Variants in NASP observed in about 807,000 individuals in gnomAD.
NASP encodes the protein nuclear autoantigenic sperm protein, also known as NASP histone chaperone.
NASP carries 24 observed loss-of-function variants against 89.5 expected under a neutral mutation model. The ratio of observed to expected loss-of-function variants is 0.27; its 90% CI spans 0.19 to 0.38. NASP has a LOEUF of 0.38. NASP is among the 10% of genes least tolerant of loss of function. The pLI, the probability that NASP is intolerant of heterozygous loss-of-function variation, is 1.00. For missense variants in NASP, 848 were observed against 921.4 expected (o/e 0.92, Z 1.03); for synonymous variants, 306 against 324.7 (o/e 0.94, Z 0.62).
In NASP at chr1:45,617,563, A is replaced by G. The variant is rs1316733343; in HGVS notation, c.2258A>G (p.Asn753Ser). 1 of 1,598,082 alleles carries G rather than the reference A, an allele frequency of 6.3e-7. No individual in the cohort carries two copies. Among genetic ancestry groups the G allele is most frequent in the East Asian group, 2.2e-5 (1 of 44,806 alleles). ...GGSGDAVPSG[N>S]EVSENMEEEA... ...AGTGGGGATGCTGTCCCCAGTGGAA[A>G]TGAAGTTTCGGAAAACATGGAGGAG... The change falls in exon 14 of 15, where the codon AAT becomes AGT. Residue 753 changes from asparagine to serine, a missense_variant. This residue lies in a region of NASP where 218 missense variants were observed against 219.6 expected (regional missense o/e 0.99). Transcript: ENST00000350030.
chr1:45,590,649 A>G (rs1293132928), intron 1 of NASP, among the ~76,000 whole-genome samples: 1 of 148,870 alleles, frequency 6.7e-6, no homozygotes, highest in African/African-American at 2.5e-5. Flanking sequence ...AATGGTATTC[A>G]ATTCAGAGTC....
intron 2 of NASP, among the ~76,000 whole-genome samples, chr1:45,602,032 A>G (rs1027438677): frequency 1.3e-5 from 2 of 152,108 alleles, no homozygotes; most frequent in Non-Finnish European, 2.9e-5. Flanking sequence ...GATTACAGGC[A>G]TGAGTCACCG....
chr1:45,584,239 C>T (rs1220071543), intron 1 of NASP, 34 bp downstream of exon 1: 3 of 1,552,342 alleles, frequency 1.9e-6, no homozygotes, highest in Non-Finnish European at 2.6e-6. Context: ...AAGGCACTGG[C>T]CAGTCCGCGG....
chr1:45,617,272 A>AT, intron 13 of NASP, 191 bp from the exon 14 acceptor site: 1 of 579,212 alleles, frequency 1.7e-6, no homozygotes. Context: ...GCCTGAAGTG[A>AT]TATGGTGGGA....
chr1:45,613,084 T>A, intron 6 of NASP, 85 bp from the exon 7 acceptor site: 1 of 1,491,978 alleles, frequency 6.7e-7, no homozygotes, highest in Non-Finnish European at 8.9e-7. Flanking sequence ...TATCTGAATA[T>A]AGGTTGAGAC....
chr1:45,591,922 G>A (rs1249103662), intron 2 of NASP, among the ~76,000 whole-genome samples: 1 of 152,192 alleles, frequency 6.6e-6, no homozygotes, highest in Non-Finnish European at 1.5e-5. Context: ...CCGGGCTAAA[G>A]GGATTCTTCT....
At chr1:45,584,310 T>G in intron 1 of NASP, 105 bp downstream of exon 1, 1 of 1,051,814 alleles carries the variant, frequency 9.5e-7, no homozygotes, top group East Asian at 2.7e-5. Flanking sequence ...AGTACTTGCC[T>G]TCCCAAGAGC....
intron 6 of NASP, among the ~76,000 whole-genome samples, chr1:45,608,600 G>GC (rs1643950592): frequency 6.6e-6 from 1 of 152,098 alleles, no homozygotes; most frequent in South Asian, 2.1e-4. Context: ...CTGAGACTTG[G>GC]CTAGCTATCA....
chr1:45,600,297 T>G, intron 2 of NASP: 2 of 968,306 alleles, frequency 2.1e-6, no homozygotes, highest in Admixed American at 7.9e-5. Context: ...TATACACCTG[T>G]AAACCATTAT....
intron 3 of NASP, among the ~76,000 whole-genome samples, chr1:45,602,823 C>G (rs781532751): frequency 6.6e-6 from 1 of 152,188 alleles, no homozygotes; most frequent in Non-Finnish European, 1.5e-5. Flanking sequence ...GGGGTTTCCC[C>G]ACATTGCCCA....
At chr1:45,590,864 C>CTA (rs1248510473) in intron 1 of NASP, among the ~76,000 whole-genome samples, 11 of 152,076 alleles carry the variant, frequency 7.2e-5, no homozygotes, top group Admixed American at 7.2e-4. Context: ...CTTAATAAAA[C>CTA]TATTCGATAT....
At chr1:45,609,026 T>A (rs1418037756) in intron 6 of NASP, among the ~76,000 whole-genome samples, 1 of 152,200 alleles carries the variant, frequency 6.6e-6, no homozygotes, top group Non-Finnish European at 1.5e-5. Context: ...CCTCATTTCA[T>A]GCTTGCTTCG....
At chr1:45,587,047 C>T (rs1255935884) in intron 1 of NASP, among the ~76,000 whole-genome samples, 1 of 152,154 alleles carries the variant, frequency 6.6e-6, no homozygotes, top group African/African-American at 2.4e-5. Flanking sequence ...GATATTGGAC[C>T]ACAGTTTTGT....
chr1:45,586,239 C>CGCGCGT (rs1644532749), intron 1 of NASP, among the ~76,000 whole-genome samples: 1 of 110,232 alleles, frequency 9.1e-6, no homozygotes, highest in African/African-American at 3.9e-5. Context: ...CCTACCGTGC[C>CGCGCGT]GTGTGTGTGT....
intron 13 of NASP, 138 bp downstream of exon 13, chr1:45,616,841 CTGTTG>C (rs545809600): frequency 3.6e-6 from 3 of 827,232 alleles, no homozygotes; most frequent in Admixed American, 2.2e-5. Flanking sequence ...TGAGTGGAGA[CTGTTG>C]TGTTTTGTTT....
rs933332941 is a variant in NASP at position 45,597,374 on chromosome 1, G to C, written c.108-4881G>C. On this transcript the variant is annotated intron_variant, in intron 2 of 14. Transcript: ENST00000350030. ...GGGTGTGGTAACAGAAGAATATCCA[G>C]TTATCTGAAAGGACTGTTTAAATAT... 3.0e-4 allele frequency among the ~76,000 whole-genome samples: 42 copies of C among 141,344 alleles called. 1 individual carries two copies. Among genetic ancestry groups the C allele is most frequent in the Admixed American group, 3.1e-4 (4 of 12,928 alleles). 92.7% of individuals were successfully genotyped at this position (141,344 alleles called of 152,430 possible). A position where few individuals can be genotyped will look rare whatever the true frequency, so the allele number is the denominator to read the frequency against.
chr1:45,604,041 T>C (rs1024595085), intron 3 of NASP, among the ~76,000 whole-genome samples: 28 of 152,212 alleles, frequency 1.8e-4, no homozygotes, highest in African/African-American at 6.5e-4. Context: ...GTATTCCCAC[T>C]TTCCTGCCAT....
chr1:45,607,237 A>AGG, intron 5 of NASP, 84 bp from the exon 6 acceptor site: 1 of 1,399,096 alleles, frequency 7.1e-7, no homozygotes, highest in Non-Finnish European at 9.8e-7. Flanking sequence ...GAGGGTTTAA[A>AGG]GGGAATGTAT....
chr1:45,614,880 G>A lies in NASP; in HGVS notation c.1667-133G>A, dbSNP rs1644076521. On this transcript the variant is annotated intron_variant, in intron 9 of 14. Coordinates refer to ENST00000350030, the MANE Select transcript of NASP (RefSeq NM_002482.4). Reference sequence around the variant, plus strand: ...TCATTTTGACTTTCTTTATAGCCAAGGGTCCTGGAAATAACTATAAACAAA... The same window carrying A: ...TCATTTTGACTTTCTTTATAGCCAAAGGTCCTGGAAATAACTATAAACAAA... 6.3e-6 allele frequency: 5 copies of A among 795,730 alleles called. No individual in the cohort carries two copies. The South Asian group carries it at 9.5e-5, about 15-fold the overall frequency. The allele number at this position is 795,730 out of a possible 1,614,324, so 49.3% of individuals were successfully genotyped here.
Sources: allele counts gnomAD v4.1 joint callset (sites outside exome capture counted in the v4.1 genomes callset), GRCh38; gene constraint gnomAD v4.1.1; regional missense constraint gnomAD v4.1.1; transcripts MANE v1.5; gene names NCBI Gene and HGNC (gene_info 2026-07-23, HGNC 2026-07-21).